NOC2L: variants seen among roughly 807,000 people sequenced by gnomAD.
NOC2L encodes the protein NOC2 like nucleolar associated transcriptional repressor, also known as nucleolar complex protein 2 homolog.
NOC2L carries 101 observed loss-of-function variants against 94.2 expected under a neutral mutation model. The ratio of observed to expected loss-of-function variants is 1.07; its 90% CI spans 0.91 to 1.26. The LOEUF (loss-of-function observed/expected upper bound fraction) is 1.26. Ranked by LOEUF, NOC2L falls within the 50% of genes most tolerant of loss-of-function variation. NOC2L has a pLI of 0.00. For synonymous variants in NOC2L, 531 were observed against 413.4 expected (o/e 1.28, Z -3.45); for missense variants, 1,076 against 980.1 (o/e 1.10, Z -1.31).
Position 946,161 on chromosome 1 carries a change from G to A in NOC2L, c.1917+12C>T, listed in dbSNP as rs776717073. The A allele has an allele frequency of 2.5e-5, 39 of 1,590,640 alleles. No homozygotes were observed. The highest frequency in any genetic ancestry group is 3.4e-5 in the Admixed American group (2 of 59,090). On this transcript the variant is annotated intron_variant, in intron 16 of 18. Transcript: ENST00000327044. ...TCACAACACACCCCCAGGTCCCCTC[G>A]CCGAGCCGCACCCGCTCTTTGCCAC...
intron 13 of NOC2L, 42 bp downstream of exon 13, chr1:948,448 C>T (rs765008445): frequency 1.1e-5 from 17 of 1,482,070 alleles, no homozygotes; most frequent in Non-Finnish European, 1.5e-5. Flanking sequence ...CCAACCCCAC[C>T]CTGGGAACTG....
rs1039549571 is a variant in NOC2L at position 955,804 on chromosome 1, C to T, written c.698+119G>A. On this transcript the variant is annotated intron_variant, in intron 6 of 18. Transcript: ENST00000327044. Reference sequence around the variant, plus strand: ...GTGCCCCGCTGCCTTCTCAGGGTCCCCAAGAAGACGCTGGCTCTGTTGCCA... The same window carrying T: ...GTGCCCCGCTGCCTTCTCAGGGTCCTCAAGAAGACGCTGGCTCTGTTGCCA... 6 of 891,120 alleles carry T rather than the reference C, an allele frequency of 6.7e-6. No individual in the cohort carries two copies. The African/African-American group carries it at 1.0e-4, about 15-fold the overall frequency. The allele number at this position is 891,120 out of a possible 1,614,324, so 55.2% of individuals were successfully genotyped here.
rs111471923 is a variant in NOC2L, at chr1:953,464, G to A, written c.889-176C>T. On this transcript the variant is annotated intron_variant, in intron 8 of 18. Transcript: ENST00000327044. ...TTACAGAAGTGAACAGAACAGGTGT[G>A]TTGCTCCTTGTGAGAAGAGGACCAC... 1.0e-3 allele frequency among the ~76,000 whole-genome samples: 160 copies of A among 152,388 alleles called. 1 individual carries two copies. The highest frequency in any genetic ancestry group is 3.8e-3 in the African/African-American group (157 of 41,596).
chr1:949,671 G>A (rs1400184456), intron 12 of NOC2L, among the ~76,000 whole-genome samples: 1 of 152,210 alleles, frequency 6.6e-6, no homozygotes, highest in Non-Finnish European at 1.5e-5. Flanking sequence ...GATTGGACAA[G>A]GGAAACAGAC....
Position 944,620 on chromosome 1 carries a change from G to C in NOC2L, c.*74C>G, listed in dbSNP as rs781115545. ...CCAACTGCACAGACGCCAGCCTCTA[G>C]GCCTGACTGCCAGGGAGGTGGAAAC... On this transcript the variant is annotated 3_prime_UTR_variant, in exon 19 of 19. Coordinates refer to ENST00000327044, the MANE Select transcript of NOC2L (RefSeq NM_015658.4). The C allele has an allele frequency of 1.1e-6, 1 of 917,204 alleles. No homozygotes were observed. The highest frequency in any genetic ancestry group is 1.4e-5 in the South Asian group (1 of 70,178). 56.8% of individuals were successfully genotyped at this position (917,204 alleles called of 1,614,324 possible). A position where few individuals can be genotyped will look rare whatever the true frequency, so the allele number is the denominator to read the frequency against.
chr1:944,649 GGCCACCAGCCCGGCA>G lies in NOC2L; in HGVS notation c.*30_*44del. 3.2e-6 allele frequency: 4 copies of G among 1,260,864 alleles called. No homozygotes were observed. 78.1% of individuals were successfully genotyped at this position (1,260,864 alleles called of 1,614,324 possible). ...TGACTGCCAGGGAGGTGGAAACACT[GGCCACCAGCCCGGCA>G]GCCCCTACAGGCCCCCCAGATGGGC... On this transcript the variant is annotated 3_prime_UTR_variant, in exon 19 of 19. Transcript: ENST00000327044.
chr1:952,450 C>T lies in NOC2L; in HGVS notation c.1153G>A (p.Ala385Thr), dbSNP rs893874000. The T allele has an allele frequency of 4.3e-6, 7 of 1,613,764 alleles. No individual in the cohort carries two copies. The South Asian group carries it at 4.4e-5, about 10-fold the overall frequency. The part of the protein sequence containing the change: ...QHAFLYIRQL[A>T]IHLRNAMTTR... ...GTCATGGCGTTGCGCAGGTGTATGG[C>T]GAGCTGGCGGATGTAGAGGAAGGCG... is the stretch of plus-strand genomic sequence containing the variant. The change falls in exon 10 of 19, where the codon GCC becomes ACC. Residue 385 changes from alanine to threonine, a missense_variant. Around this residue, in one of 3 missense-constraint regions of NOC2L, gnomAD observed 615 missense variants for 577.4 expected, o/e 1.07. Coordinates refer to ENST00000327044, the MANE Select transcript of NOC2L (RefSeq NM_015658.4).
chr1:944,770 G>A lies in NOC2L; in HGVS notation c.2174C>T (p.Ala725Val), dbSNP rs960596303. ...DGDPDAEAGL[A>V]PGELQQLAQG... is the part of the protein sequence containing the mutation. ...GGCCAGCTGCTGCAGCTCCCCAGGG[G>A]CCAGCCCCGCCTCTGCGTCTGGGTC... Residue 725 changes from alanine (A) to valine (V), a missense_variant, in exon 19 of 19, where the codon GCC becomes GTC. This residue lies in a region of NOC2L where 615 missense variants were observed against 577.4 expected (regional missense o/e 1.07). Coordinates refer to ENST00000327044, the MANE Select transcript of NOC2L (RefSeq NM_015658.4). 1 of 1,596,284 alleles carries A rather than the reference G, an allele frequency of 6.3e-7. No homozygotes were observed. Among genetic ancestry groups the A allele is most frequent in the East Asian group, 2.2e-5 (1 of 44,676 alleles).
In NOC2L at chr1:946,319, C is replaced by A. The variant is rs112513384; in HGVS notation, c.1804-33G>T. 2.0e-4 allele frequency: 318 copies of A among 1,610,782 alleles called. 1 individual carries two copies. The African/African-American group carries it at 3.8e-3, about 19-fold the overall frequency. ...GTTGGGGGAGTTCAGGGTCATGCCT[C>A]ACCCTGGGCAAACCCCCACATGTAG... On this transcript the variant is annotated intron_variant, in intron 15 of 18. Transcript: ENST00000327044.
At chr1:953,073 G>T in intron 9 of NOC2L, 102 bp downstream of exon 9, 1 of 748,738 alleles carries the variant, frequency 1.3e-6, no homozygotes, top group Non-Finnish European at 2.3e-6. Context: ...CTGCAGTGAG[G>T]GTCCAGTGAG....
chr1:951,860 G>T, intron 11 of NOC2L, 140 bp downstream of exon 11: 2 of 933,322 alleles, frequency 2.1e-6, no homozygotes, highest in Non-Finnish European at 3.2e-6. Flanking sequence ...CAGGTACAGG[G>T]ACCCCAGCCC....
chr1:944,446 G>A lies in NOC2L; in HGVS notation c.*248C>T, dbSNP rs769725768. ...ACTGGTCTCGGTCTGCTGACGTCAG[G>A]GTCAGCTCCCCCGCGGAGCTGACTT... On this transcript the variant is annotated 3_prime_UTR_variant, in exon 19 of 19. Transcript: ENST00000327044. 2 of 919,602 alleles carry A rather than the reference G, an allele frequency of 2.2e-6. No homozygotes were observed. The highest frequency in any genetic ancestry group is 3.1e-6 in the Non-Finnish European group (2 of 655,624). The allele number at this position is 919,602 out of a possible 1,614,324, so 57.0% of individuals were successfully genotyped here.
rs758769756 is a variant in NOC2L, at chr1:957,085, G to A, written c.354+14C>T. The A allele has an allele frequency of 1.2e-6, 2 of 1,613,974 alleles. No individual in the cohort carries two copies. The highest frequency in any genetic ancestry group is 3.3e-5 in the Admixed American group (2 of 60,032). The stretch of plus-strand genomic sequence containing the variant: ...AGACAAGTGCCCCCCTTCTGGTTTG[G>A]CCCACGCCCTCACCTCCAGCACATC... On this transcript the variant is annotated intron_variant, in intron 3 of 18. Transcript: ENST00000327044.
Position 946,529 on chromosome 1 carries a change from C to T in NOC2L, c.1676G>A (p.Arg559Gln), listed in dbSNP as rs771983247. 14 of 1,612,340 alleles carry T rather than the reference C, an allele frequency of 8.7e-6. No individual in the cohort carries two copies. Among genetic ancestry groups the T allele is most frequent in the Middle Eastern group, 3.3e-4 (2 of 6,082 alleles). ...PVVLQLKSFL[R>Q]ECKVANYCRQ... ...GCAGTAGTTGGCCACCTTGCACTCC[C>T]GGAGGAACGACTTCAGCTGCGGAAG... Residue 559 changes from arginine (R) to glutamine (Q), a missense_variant, in exon 15 of 19, where the codon CGG becomes CAG. Arg to Gln is a conservative substitution (Grantham distance 43, BLOSUM62 1). Around this residue, in one of 3 missense-constraint regions of NOC2L, gnomAD observed 615 missense variants for 577.4 expected, o/e 1.07. Coordinates refer to ENST00000327044, the MANE Select transcript of NOC2L (RefSeq NM_015658.4).
At chr1:954,420 G>A (rs1642344663) in intron 6 of NOC2L, 1 of 268,194 alleles carries the variant, frequency 3.7e-6, no homozygotes, top group African/African-American at 2.2e-5. Flanking sequence ...TCCCCACCGT[G>A]AGACCACACG....
intron 11 of NOC2L, 94 bp downstream of exon 11, chr1:951,906 C>G: frequency 7.1e-7 from 1 of 1,403,740 alleles, no homozygotes; most frequent in Non-Finnish European, 9.7e-7. Flanking sequence ...ACTCAGGCCC[C>G]AAGGCCCTGA....
chr1:958,960 G>C lies in NOC2L; in HGVS notation c.148C>G (p.Pro50Ala). ...TREAREAARSPDKPGGSPSAS... is the reference protein window; with the variant it reads ...TREAREAARSADKPGGSPSAS... ...GAGGGGCTCCCGCCCGGCTTATCCG[G>C]ACTCCGGGCAGCCTCGCGTGCTTCC... The change falls in exon 2 of 19, where the codon CCG becomes GCG. Residue 50 changes from proline to alanine, a missense_variant. Pro to Ala is a conservative substitution (Grantham distance 27, BLOSUM62 -1). Coordinates refer to ENST00000327044, the MANE Select transcript of NOC2L (RefSeq NM_015658.4). 1 of 1,612,760 alleles carries C rather than the reference G, an allele frequency of 6.2e-7. No homozygotes were observed. Among genetic ancestry groups the C allele is most frequent in the Non-Finnish European group, 8.5e-7 (1 of 1,179,956 alleles).
In NOC2L at chr1:946,506, A is replaced by G. The variant is rs867685413; in HGVS notation, c.1699T>C (p.Cys567Arg). The change falls in exon 15 of 19, where the codon TGC becomes CGC. Residue 567 changes from cysteine (C) to arginine (R), a missense_variant. Coordinates refer to ENST00000327044, the MANE Select transcript of NOC2L (RefSeq NM_015658.4). The stretch of plus-strand genomic sequence containing the variant: ...CCAAGCAGCTGCTGCACCTGCCGGC[A>G]GTAGTTGGCCACCTTGCACTCCCGG... ...FLRECKVANY[C>R]RQVQQLLGKV... The G allele has an allele frequency of 3.7e-6, 6 of 1,613,252 alleles. No homozygotes were observed. The highest frequency in any genetic ancestry group is 1.7e-5 in the Admixed American group (1 of 60,018).
chr1:954,291 A>G (rs1295297291), intron 6 of NOC2L: 26 of 542,846 alleles, frequency 4.8e-5, no homozygotes, highest in Non-Finnish European at 5.9e-5. Context: ...CTCCTCCTTC[A>G]GTGGCCTTGA....
Sources: gnomAD v4.1 joint callset for allele counts (sites outside exome capture counted in the v4.1 genomes callset) on GRCh38, gnomAD v4.1.1 for gene constraint, gnomAD v4.1.1 regional missense constraint, MANE v1.5 for transcripts, NCBI Gene and HGNC (gene_info 2026-07-23, HGNC 2026-07-21) for gene names.